NXPH1: variants seen among roughly 807,000 people sequenced by gnomAD.
NXPH1 encodes neurexophilin-1.
A neutral mutation model predicts 23.7 loss-of-function variants in NXPH1; 5 were observed. The ratio of observed to expected loss-of-function variants is 0.21; its 90% CI spans 0.11 to 0.44. The LOEUF is 0.44. Ranked by LOEUF, NXPH1 falls within the 20% of genes least tolerant of loss-of-function variation. The pLI is 0.99. For missense variants in NXPH1, 324 were observed against 321.6 expected, an observed-to-expected ratio of 1.01 and a Z score of -0.06; for synonymous variants, 144 against 122.2, an observed-to-expected ratio of 1.18 and a Z score of -1.18.
chr7:8,674,207 A>G (rs1282772544), intron 2 of NXPH1, among the ~76,000 whole-genome samples: 3 of 137,246 alleles, frequency 2.2e-5, no homozygotes, highest in Non-Finnish European at 4.9e-5. Flanking sequence ...ACACACACCT[A>G]TGCAATTCAA....
chr7:8,511,093 A>T (rs1817604234), intron 2 of NXPH1, among the ~76,000 whole-genome samples: 2 of 152,274 alleles, frequency 1.3e-5, no homozygotes, highest in Admixed American at 1.3e-4. Flanking sequence ...TTTAACCTGG[A>T]ATCCAAAAAG....
intron 2 of NXPH1, among the ~76,000 whole-genome samples, chr7:8,724,676 T>C (rs1780020389): frequency 6.6e-6 from 1 of 152,206 alleles, no homozygotes; most frequent in African/African-American, 2.4e-5. Flanking sequence ...TTTGATTTAA[T>C]GGAACTGTTT....
chr7:8,470,128 C>G (rs1816849333), intron 2 of NXPH1, among the ~76,000 whole-genome samples: 2 of 152,138 alleles, frequency 1.3e-5, no homozygotes, highest in South Asian at 4.1e-4. Context: ...TACTTTTGGG[C>G]TGAGTTTAGC....
chr7:8,494,284 C>T (rs1817299745), intron 2 of NXPH1, among the ~76,000 whole-genome samples: 2 of 151,980 alleles, frequency 1.3e-5, no homozygotes, highest in South Asian at 4.1e-4. Context: ...AATTAATTTT[C>T]ATTGACTATA....
intron 2 of NXPH1, among the ~76,000 whole-genome samples, chr7:8,580,760 G>GAA (rs1274110081): frequency 6.6e-6 from 1 of 151,728 alleles, no homozygotes; most frequent in Non-Finnish European, 1.5e-5. Context: ...TATGCAGAGG[G>GAA]AAAAAAAGTA....
rs111756390 is a variant in NXPH1, at chr7:8,633,382, C to A, written c.55-117626C>A. On this transcript the variant is annotated intron_variant, in intron 2 of 2. Coordinates refer to ENST00000405863, the MANE Select transcript of NXPH1 (RefSeq NM_152745.3). The stretch of plus-strand genomic sequence containing the variant: ...GGCGGAGATTGCAGTGAGCCAAGAT[C>A]GTGCCACTGTAGCCTAGAGACAGAG... Among the ~76,000 whole-genome samples, 939 of 152,278 alleles carry A rather than the reference C, an allele frequency of 6.2e-3. 7 individuals are homozygous for A. Among genetic ancestry groups the A allele is most frequent in the African/African-American group, 0.022 (896 of 41,560 alleles).
At chr7:8,501,436 G>T (rs551129379) in intron 2 of NXPH1, among the ~76,000 whole-genome samples, 3 of 152,096 alleles carry the variant, frequency 2.0e-5, no homozygotes, top group Admixed American at 6.5e-5. Flanking sequence ...TAAAAATGTG[G>T]ATTCCTGGGT....
At chr7:8,709,181 G>T (rs1223169474) in intron 2 of NXPH1, among the ~76,000 whole-genome samples, 1 of 152,170 alleles carries the variant, frequency 6.6e-6, no homozygotes, top group East Asian at 1.9e-4. Flanking sequence ...ATTGTTGGTT[G>T]ATCTCATTTC....
Position 8,646,769 on chromosome 7 carries a change from T to A in NXPH1, c.55-104239T>A, listed in dbSNP as rs1820405382. On this transcript the variant is annotated intron_variant, in intron 2 of 2. Transcript: ENST00000405863. ...CTGGAAATCAGTGGACCCCAAACAG[T>A]CCCTCTATAATTTTATTTTTATTTA... Among the ~76,000 whole-genome samples, 3 of 152,210 alleles carry A rather than the reference T, an allele frequency of 2.0e-5. 1 individual carries two copies. In the South Asian group the frequency reaches 6.2e-4, roughly 32 times the overall value.
intron 2 of NXPH1, among the ~76,000 whole-genome samples, chr7:8,552,083 G>T: frequency 7.5e-6 from 1 of 133,154 alleles, no homozygotes; most frequent in Non-Finnish European, 1.5e-5. Context: ...TTCTATTTTG[G>T]CTTAACTCCA....
chr7:8,617,747 T>C (rs1335920935), intron 2 of NXPH1, among the ~76,000 whole-genome samples: 8 of 152,128 alleles, frequency 5.3e-5, no homozygotes, highest in Non-Finnish European at 1.2e-4. Context: ...ACAGGGTGAC[T>C]ATAGTCAATA....
intron 2 of NXPH1, among the ~76,000 whole-genome samples, chr7:8,558,176 C>A (rs2128620390): frequency 6.6e-6 from 1 of 151,636 alleles, no homozygotes; most frequent in South Asian, 2.1e-4. Flanking sequence ...ATATGGGTTT[C>A]TTTATTATCT....
chr7:8,592,826 C>CTT (rs536236220), intron 2 of NXPH1, among the ~76,000 whole-genome samples: 1,536 of 142,920 alleles, frequency 0.011, 28 homozygotes, highest in African/African-American at 0.036. Flanking sequence ...GTGAAATAGT[C>CTT]TTTTTTTTTT....
intron 2 of NXPH1, among the ~76,000 whole-genome samples, chr7:8,575,668 A>G (rs1245262731): frequency 3.9e-5 from 6 of 152,064 alleles, no homozygotes; most frequent in Non-Finnish European, 8.8e-5. Context: ...TGCACTTAAT[A>G]TAATTTTCTA....
At chr7:8,537,085 T>C (rs1171532444) in intron 2 of NXPH1, among the ~76,000 whole-genome samples, 1 of 152,026 alleles carries the variant, frequency 6.6e-6, no homozygotes, top group African/African-American at 2.4e-5. Flanking sequence ...TCTCTCTGAA[T>C]TGTGAACTCC....
At chr7:8,554,364 G>A (rs1818322667) in intron 2 of NXPH1, among the ~76,000 whole-genome samples, 2 of 151,576 alleles carry the variant, frequency 1.3e-5, no homozygotes, top group Non-Finnish European at 3.0e-5. Context: ...CGACCATATG[G>A]TGGGAGATTG....
At chr7:8,535,297 G>C (rs1182343734) in intron 2 of NXPH1, among the ~76,000 whole-genome samples, 2 of 152,048 alleles carry the variant, frequency 1.3e-5, no homozygotes, top group African/African-American at 4.8e-5. Context: ...AAATAATGGG[G>C]ACAAATTTAG....
chr7:8,617,527 C>T (rs549463021), intron 2 of NXPH1, among the ~76,000 whole-genome samples: 32 of 152,078 alleles, frequency 2.1e-4, no homozygotes, highest in Non-Finnish European at 4.0e-4. Flanking sequence ...AACTGGAGAT[C>T]GTTACATTAA....
chr7:8,641,422 A>T (rs1464817041), intron 2 of NXPH1, among the ~76,000 whole-genome samples: 1 of 152,126 alleles, frequency 6.6e-6, no homozygotes, highest in Non-Finnish European at 1.5e-5. Context: ...TTTCTACTAC[A>T]GAAATTGGCA....
Sources: allele counts gnomAD v4.1 joint callset (sites outside exome capture counted in the v4.1 genomes callset), GRCh38; gene constraint gnomAD v4.1.1; transcripts MANE v1.5; gene names NCBI Gene and HGNC (gene_info 2026-07-23, HGNC 2026-07-21).